Variants in ANK2 observed in about 807,000 individuals in gnomAD.
ANK2 encodes ankyrin 2.
A neutral mutation model predicts 360.5 loss-of-function variants in ANK2; 83 were observed. The observed-to-expected ratio is 0.23, with a 90% CI of 0.19 to 0.28. ANK2 has a LOEUF of 0.28. Ranked by LOEUF, ANK2 falls within the 10% of genes least tolerant of loss-of-function variation. The pLI, the probability that ANK2 is intolerant of heterozygous loss-of-function variation, is 1.00. For missense variants in ANK2, 4,201 were observed against 4,795.7 expected (o/e 0.88, Z 3.66); for synonymous variants, 1,740 against 1,759.5 (o/e 0.99, Z 0.28).
At chr4:113,164,662 C>A (rs550491751) in intron 1 of ANK2, among the ~76,000 whole-genome samples, 2 of 152,092 alleles carry the variant, frequency 1.3e-5, no homozygotes, top group African/African-American at 4.8e-5. Flanking sequence ...CTATAAGATG[C>A]GGATGCGTAG....
intron 13 of ANK2, among the ~76,000 whole-genome samples, chr4:113,264,217 A>G (rs1299279125): frequency 6.6e-6 from 1 of 152,254 alleles, no homozygotes; most frequent in Non-Finnish European, 1.5e-5. Context: ...ATCAGATACA[A>G]AATAATATTT....
intron 26 of ANK2, among the ~76,000 whole-genome samples, chr4:113,321,058 T>A (rs912007965): frequency 6.6e-6 from 1 of 152,214 alleles, no homozygotes; most frequent in African/African-American, 2.4e-5. Context: ...TGGTTAATAG[T>A]GTGCTTGGGA....
intron 1 of ANK2, among the ~76,000 whole-genome samples, chr4:113,136,973 G>T (rs2096447140): frequency 6.6e-6 from 1 of 152,012 alleles, no homozygotes; most frequent in African/African-American, 2.4e-5. Flanking sequence ...GGCCAAGCTG[G>T]TCTCAAACTC....
At chr4:113,097,361 A>C (rs765663064) in intron 1 of ANK2, among the ~76,000 whole-genome samples, 25 of 151,944 alleles carry the variant, frequency 1.6e-4, no homozygotes, top group Non-Finnish European at 3.7e-4. Flanking sequence ...TCAGCAACAT[A>C]ATTCCTTTTC....
chr4:113,160,676 T>G (rs1385605272), intron 1 of ANK2, among the ~76,000 whole-genome samples: 1 of 152,126 alleles, frequency 6.6e-6, no homozygotes, highest in Non-Finnish European at 1.5e-5. Context: ...ACAGTGGAAA[T>G]AAAAATGAAT....
chr4:113,143,896 G>A (rs1039462695), intron 1 of ANK2, among the ~76,000 whole-genome samples: 8 of 152,108 alleles, frequency 5.3e-5, no homozygotes, highest in South Asian at 2.1e-4. Context: ...ATGATGAATC[G>A]TTAGTCTATA....
intron 1 of ANK2, among the ~76,000 whole-genome samples, chr4:113,074,181 A>C (rs1045992186): frequency 1.3e-5 from 2 of 152,328 alleles, no homozygotes; most frequent in Non-Finnish European, 1.5e-5. Flanking sequence ...TTTTCTTCCC[A>C]GTGTACAAAT....
At chr4:112,750,111 C>G in the ANK2 span, among the ~76,000 whole-genome samples, 1 of 152,034 alleles carries the variant, frequency 6.6e-6, no homozygotes, top group Non-Finnish European at 1.5e-5. Flanking sequence ...AGGGTCTCTG[C>G]TGTCAGGCTG....
intron 1 of ANK2, among the ~76,000 whole-genome samples, chr4:113,085,805 C>T (rs546145029): frequency 6.6e-6 from 1 of 152,134 alleles, no homozygotes; most frequent in Non-Finnish European, 1.5e-5. Flanking sequence ...GAAGGGGGAA[C>T]TTTCCTTCAG....
At chr4:113,351,296 G>T (rs1036237718) in intron 37 of ANK2, among the ~76,000 whole-genome samples, 2 of 152,076 alleles carry the variant, frequency 1.3e-5, no homozygotes, top group Non-Finnish European at 2.9e-5. Flanking sequence ...ACAATGATCT[G>T]AGGGCTTTTT....
At chr4:112,778,090 C>T in the ANK2 span, among the ~76,000 whole-genome samples, 1 of 152,032 alleles carries the variant, frequency 6.6e-6, no homozygotes, top group Non-Finnish European at 1.5e-5. Context: ...CTGCCTCGGC[C>T]TTCCGAGGAG....
chr4:113,307,621 T>C (rs1408460662), intron 23 of ANK2, among the ~76,000 whole-genome samples: 1 of 152,134 alleles, frequency 6.6e-6, no homozygotes, highest in Non-Finnish European at 1.5e-5. Context: ...CAGGCTGCTC[T>C]CGAACTCCTG....
chr4:113,264,783 G>C (rs2054996926), intron 13 of ANK2, 114 bp from the exon 14 acceptor site: 5 of 1,018,122 alleles, frequency 4.9e-6, no homozygotes, highest in Non-Finnish European at 7.4e-6. Flanking sequence ...CCTTTTCATA[G>C]GTTTCTTAAA....
At chr4:113,280,608 C>T (rs1190797131) in intron 17 of ANK2, among the ~76,000 whole-genome samples, 2 of 152,182 alleles carry the variant, frequency 1.3e-5, no homozygotes, top group African/African-American at 2.4e-5. Context: ...ACACACGGTC[C>T]TTTGGCCACG....
the ANK2 span, among the ~76,000 whole-genome samples, chr4:112,793,748 C>T: frequency 7.0e-4 from 105 of 150,510 alleles, 2 homozygotes; most frequent in South Asian, 0.021. Context: ...CTCTGTCGCC[C>T]AGGCTGGAAT....
At chr4:112,909,045 T>C (rs960192712) in intron 2 of ANK2, among the ~76,000 whole-genome samples, 4 of 152,242 alleles carry the variant, frequency 2.6e-5, no homozygotes, top group Non-Finnish European at 5.9e-5. Context: ...GGAGGACCAC[T>C]GGGACGACTG....
intron 1 of ANK2, 91 bp downstream of exon 1, chr4:113,049,903 G>A (rs2066169950): frequency 6.8e-7 from 1 of 1,460,366 alleles, no homozygotes; most frequent in African/African-American, 1.4e-5. Context: ...TGGAAACCGT[G>A]GAGCATTATG....
chr4:112,850,299 TC>T (rs2149940470), intron 1 of ANK2, among the ~76,000 whole-genome samples: 1 of 122,710 alleles, frequency 8.1e-6, no homozygotes, highest in African/African-American at 3.3e-5. Flanking sequence ...TATCTATCTA[TC>T]TAATTTGTTC....
At chr4:113,372,209 C>CT (rs928120461) in intron 43 of ANK2, among the ~76,000 whole-genome samples, 15 of 150,598 alleles carry the variant, frequency 1.0e-4, no homozygotes, top group East Asian at 1.9e-4. Context: ...TACAGTCAGG[C>CT]TTTTTTTTTA....
Sources: gnomAD v4.1 joint callset for allele counts (sites outside exome capture counted in the v4.1 genomes callset) on GRCh38, gnomAD v4.1.1 for gene constraint, MANE v1.5 for transcripts, NCBI Gene and HGNC (gene_info 2026-07-23, HGNC 2026-07-21) for gene names.